HTT: variants seen among roughly 807,000 people sequenced by gnomAD.
The protein encoded by HTT is huntingtin.
Under a neutral mutation model 362.3 loss-of-function variants are expected in HTT, and 104 were observed. That is an observed-to-expected ratio of 0.29 (90% CI 0.24 to 0.34). The LOEUF is 0.34. Ranked by LOEUF, HTT falls within the 10% of genes least tolerant of loss-of-function variation. HTT has a pLI of 1.00. For synonymous variants in HTT, 1,577 were observed against 1,548.7 expected (o/e 1.02, Z -0.43); for missense variants, 3,301 against 3,928.6 (o/e 0.84, Z 4.27).
intron 37 of HTT, among the ~76,000 whole-genome samples, chr4:3,185,588 G>A (rs1296727320): frequency 6.6e-6 from 1 of 152,196 alleles, no homozygotes; most frequent in East Asian, 1.9e-4. Context: ...TATAAGCTTA[G>A]ACTATTTTAG....
intron 8 of HTT, 41 bp downstream of exon 8, chr4:3,116,304 A>T: frequency 6.7e-7 from 1 of 1,495,694 alleles, no homozygotes; most frequent in Non-Finnish European, 9.3e-7. Flanking sequence ...CATGTGAATG[A>T]CTGACATTCA....
In HTT at chr4:3,130,421, A is replaced by G; in HGVS notation, c.1984A>G (p.Lys662Glu). The G allele has an allele frequency of 1.9e-6, 3 of 1,551,764 alleles. No homozygotes were observed. Among genetic ancestry groups the G allele is most frequent in the South Asian group, 2.3e-5 (2 of 87,232 alleles). The stretch of plus-strand genomic sequence containing the variant: ...TACTGAACCGGGTGATCAAGAAAAC[A>G]AGGTGAGGGACATAGGCTTGAGACG... ...EATEPGDQEN[K>E]PCRIKGDIGQ... The change falls in exon 14 of 67, where the codon AAG becomes GAG. Residue 662 changes from lysine (K) to glutamate (E), a missense_variant and splice_region_variant. This residue lies in a region of HTT where 2,316 missense variants were observed against 2,658.5 expected (regional missense o/e 0.87). Coordinates refer to ENST00000355072, the MANE Select transcript of HTT (RefSeq NM_001388492.1).
chr4:3,119,395 ATT>A (rs1429278554), intron 8 of HTT, among the ~76,000 whole-genome samples: 1 of 152,246 alleles, frequency 6.6e-6, no homozygotes, highest in Non-Finnish European at 1.5e-5. Context: ...AAGAGAACCC[ATT>A]TGACCATTAA....
At chr4:3,173,692 G>A (rs6840376) in intron 31 of HTT, among the ~76,000 whole-genome samples, 11,010 of 148,454 alleles carry the variant, frequency 0.074, 743 homozygotes, top group East Asian at 0.34. Context: ...TTTTTGAGAC[G>A]GAGTCTTGCT....
intron 1 of HTT, among the ~76,000 whole-genome samples, chr4:3,077,950 T>C (rs1712653340): frequency 6.6e-6 from 1 of 152,214 alleles, no homozygotes; most frequent in South Asian, 2.1e-4. Context: ...CAAAGTAAGA[T>C]TGATGAAAGC....
chr4:3,121,601 T>G, intron 9 of HTT, 169 bp downstream of exon 9: 2 of 556,638 alleles, frequency 3.6e-6, no homozygotes, highest in Non-Finnish European at 6.4e-6. Context: ...TTGGGCTGGG[T>G]GTGGTGGCTC....
In HTT at chr4:3,187,908, ATAAC is replaced by A. The variant is rs764611719; in HGVS notation, c.5225+27_5225+30del. Reference sequence around the variant, plus strand: ...CAAGGTATGCTTTCTATCTGAGCCTATAACTAACCCATGCCTTTTGGGAAGTCAC... The same window carrying A: ...CAAGGTATGCTTTCTATCTGAGCCTATAACCCATGCCTTTTGGGAAGTCAC... On this transcript the variant is annotated intron_variant, in intron 39 of 66. Transcript: ENST00000355072. 2.8e-6 allele frequency: 4 copies of A among 1,444,846 alleles called. No individual in the cohort carries two copies. The African/African-American group carries it at 4.3e-5, about 15-fold the overall frequency. The allele number at this position is 1,444,846 out of a possible 1,614,324, so 89.5% of individuals were successfully genotyped here.
In HTT at chr4:3,217,818, C is replaced by T; in HGVS notation, c.7108C>T (p.Leu2370=). Residue 2370 remains leucine, a synonymous_variant, in exon 52 of 67, where the codon CTG becomes TTG. Coordinates refer to ENST00000355072, the MANE Select transcript of HTT (RefSeq NM_001388492.1). ...CEMVAEMVES[L]QSVLALGHKR... Reference sequence around the variant, plus strand: ...GATGGTGGCAGAAATGGTGGAGTCTCTGCAGTCGGTGTTGGCCTTGGGTCA... The same window carrying T: ...GATGGTGGCAGAAATGGTGGAGTCTTTGCAGTCGGTGTTGGCCTTGGGTCA... 6.2e-7 allele frequency: 1 copy of T among 1,614,216 alleles called. No homozygotes were observed. The highest frequency in any genetic ancestry group is 8.5e-7 in the Non-Finnish European group (1 of 1,180,028).
At chr4:3,143,005 C>A (rs1716420570) in intron 23 of HTT, 119 bp downstream of exon 23, 1 of 679,502 alleles carries the variant, frequency 1.5e-6, no homozygotes, top group Non-Finnish European at 2.5e-6. Flanking sequence ...CTTACTTATC[C>A]ATGAGGCTTG....
chr4:3,197,902 G>A (rs1719330591), intron 40 of HTT, among the ~76,000 whole-genome samples: 1 of 152,216 alleles, frequency 6.6e-6, no homozygotes. Context: ...CTTGAAGGCA[G>A]TGCATGCCTC....
intron 2 of HTT, among the ~76,000 whole-genome samples, chr4:3,090,291 G>A (rs1391074366): frequency 6.6e-6 from 1 of 152,180 alleles, no homozygotes; most frequent in Non-Finnish European, 1.5e-5. Context: ...AAGTATGGAT[G>A]AGCATCAAAA....
At chr4:3,158,671 C>G (rs1391754415) in intron 28 of HTT, among the ~76,000 whole-genome samples, 3 of 151,768 alleles carry the variant, frequency 2.0e-5, no homozygotes, top group African/African-American at 7.3e-5. Flanking sequence ...AATCATTTAT[C>G]AAACGTATGT....
chr4:3,207,386 T>C, intron 45 of HTT, 29 bp downstream of exon 45: 1 of 1,545,280 alleles, frequency 6.5e-7, no homozygotes, highest in Non-Finnish European at 8.9e-7. Flanking sequence ...GTCGTCCTTG[T>C]GTTAGGACAA....
At chr4:3,178,585 G>A (rs924757984) in intron 35 of HTT, 139 bp downstream of exon 35, 21 of 706,282 alleles carry the variant, frequency 3.0e-5, no homozygotes, top group Non-Finnish European at 3.6e-5. Flanking sequence ...TGTATGTGAA[G>A]GTACTGGTTA....
rs192687471 is a variant in HTT at position 3,082,456 on chromosome 4, T to C, written c.264-4483T>C. On this transcript the variant is annotated intron_variant, in intron 1 of 66. Transcript: ENST00000355072. ...AAGCACTGTTTAATATTGTATTAAA[T>C]TGGATCAATTTGGGGGCTAGAATGT... is the stretch of plus-strand genomic sequence containing the variant. Among the ~76,000 whole-genome samples, 246 of 152,320 alleles carry C rather than the reference T, an allele frequency of 1.6e-3. 1 individual carries two copies. Among genetic ancestry groups the C allele is most frequent in the African/African-American group, 5.5e-3 (229 of 41,570 alleles).
chr4:3,237,528 G>A (rs1578619410), intron 64 of HTT, among the ~76,000 whole-genome samples: 3 of 152,156 alleles, frequency 2.0e-5, no homozygotes, highest in South Asian at 2.1e-4. Context: ...GCTAGGTGGC[G>A]AGTGCTCCAA....
chr4:3,137,822 AGTTT>A (rs1197661477), intron 21 of HTT, among the ~76,000 whole-genome samples: 1 of 152,200 alleles, frequency 6.6e-6, no homozygotes, highest in Non-Finnish European at 1.5e-5. Flanking sequence ...ATGTATCAGT[AGTTT>A]GTTCATTTTT....
chr4:3,183,522 G>A (rs1168216629), intron 37 of HTT, among the ~76,000 whole-genome samples: 1 of 152,212 alleles, frequency 6.6e-6, no homozygotes, highest in Non-Finnish European at 1.5e-5. Context: ...TTTGGCATTT[G>A]ATTTAAACTT....
intron 2 of HTT, among the ~76,000 whole-genome samples, chr4:3,092,721 A>G (rs1439846696): frequency 6.6e-6 from 1 of 152,238 alleles, no homozygotes; most frequent in Non-Finnish European, 1.5e-5. Flanking sequence ...TATATTAACA[A>G]TGTGTTAAAA....
Sources: gnomAD v4.1 joint callset for allele counts (sites outside exome capture counted in the v4.1 genomes callset) on GRCh38, gnomAD v4.1.1 for gene constraint, gnomAD v4.1.1 regional missense constraint, MANE v1.5 for transcripts, NCBI Gene and HGNC (gene_info 2026-07-23, HGNC 2026-07-21) for gene names.